SLC29A1: variants seen among roughly 807,000 people sequenced by gnomAD.
SLC29A1 encodes equilibrative nucleoside transporter 1.
Under a neutral mutation model 48.3 loss-of-function variants are expected in SLC29A1, and 22 were observed. That is an observed-to-expected ratio of 0.46 (90% CI 0.33 to 0.65). The LOEUF is 0.65. SLC29A1 is among the 30% of genes least tolerant of loss of function. The pLI is 0.03. For missense variants in SLC29A1, 491 were observed against 575.3 expected (o/e 0.85, Z 1.50); for synonymous variants, 228 against 231.0 (o/e 0.99, Z 0.12).
chr6:44,226,102 G>A lies in SLC29A1; in HGVS notation c.-51-1161G>A. The A allele has an allele frequency of 5.1e-6, 5 of 985,460 alleles. No individual in the cohort carries two copies. The South Asian group carries it at 2.3e-4, about 46-fold the overall frequency. The allele number at this position is 985,460 out of a possible 1,614,324, so 61.0% of individuals were successfully genotyped here. On this transcript the variant is annotated intron_variant, in intron 1 of 12. Coordinates refer to ENST00000371755, the MANE Select transcript of SLC29A1 (RefSeq NM_001372327.1). ...CCCACTGCCTGAGCCTGAACTAGGAGCACCTCCTAGGGACTGCCCAGGCTT... is the reference window on the plus strand; with the variant it reads ...CCCACTGCCTGAGCCTGAACTAGGAACACCTCCTAGGGACTGCCCAGGCTT...
intron 1 of SLC29A1, chr6:44,224,095 C>G (rs1441391312): frequency 6.0e-6 from 2 of 334,708 alleles, no homozygotes; most frequent in Admixed American, 1.3e-4. Context: ...CGGTCTTTTA[C>G]TGGCTAAACT....
upstream of SLC29A1, among the ~76,000 whole-genome samples, chr6:44,221,996 C>T (rs1776485011): frequency 6.6e-6 from 1 of 152,194 alleles, no homozygotes; most frequent in African/African-American, 2.4e-5. This position sits in a 1 kb window ranked among gnomAD's most constrained non-coding sequence, Gnocchi z 4.2. Context: ...CTTGCCATGC[C>T]TGGCAGATCT....
intron 2 of SLC29A1, 60 bp downstream of exon 2, chr6:44,227,402 G>A: frequency 1.4e-6 from 2 of 1,454,620 alleles, no homozygotes; most frequent in East Asian, 4.6e-5. Context: ...AGCTGGGTGT[G>A]GTGTCCTTTG....
At chr6:44,226,882 T>C in intron 1 of SLC29A1, 1 of 1,057,350 alleles carries the variant, frequency 9.5e-7, no homozygotes, top group African/African-American at 1.7e-5. Context: ...CCCTGACCCC[T>C]CTCGTCCTCT....
intron 12 of SLC29A1, 146 bp from the exon 13 acceptor site, chr6:44,233,271 G>A (rs977572615): frequency 1.3e-6 from 1 of 784,340 alleles, no homozygotes; most frequent in Non-Finnish European, 2.2e-6. Context: ...GGAGAAGCCA[G>A]GTTGGGGTTA....
At chr6:44,233,132 G>A (rs1779264138) in intron 12 of SLC29A1, 126 bp downstream of exon 12, 1 of 1,051,034 alleles carries the variant, frequency 9.5e-7, no homozygotes, top group Non-Finnish European at 1.4e-6. Flanking sequence ...AGATGGCTCA[G>A]GAGGGGCTCC....
In SLC29A1 at chr6:44,230,472, G is replaced by A. The variant is rs368183517; in HGVS notation, c.580G>A (p.Ala194Thr). The A allele has an allele frequency of 3.3e-5, 53 of 1,613,692 alleles. No individual in the cohort carries two copies. The highest frequency in any genetic ancestry group is 5.5e-5 in the South Asian group (5 of 91,090). Reference sequence around the variant, plus strand: ...CTTTGCCTCCGTGGCCATGATCTGCGCTATTGCCAGTAAGTCCGGCTATCT... The same window carrying A: ...CTTTGCCTCCGTGGCCATGATCTGCACTATTGCCAGTAAGTCCGGCTATCT... ...GFFASVAMIC[A>T]IASGSELSES... The change falls in exon 6 of 13, where the codon GCT becomes ACT. Residue 194 changes from alanine to threonine, a missense_variant. Ala to Thr is a moderately conservative substitution (Grantham distance 58, BLOSUM62 0). Coordinates refer to ENST00000371755, the MANE Select transcript of SLC29A1 (RefSeq NM_001372327.1).
Position 44,229,680 on chromosome 6 carries a change from C to T in SLC29A1, c.203C>T (p.Ala68Val), listed in dbSNP as rs1246855490. 1.2e-6 allele frequency: 2 copies of T among 1,614,070 alleles called. No individual in the cohort carries two copies. The highest frequency in any genetic ancestry group is 2.7e-5 in the African/African-American group (2 of 75,062). The change falls in exon 4 of 13, where the codon GCA (alanine) becomes GTA (valine). Residue 68 changes from alanine (A) to valine (V), a missense_variant. Physicochemically the swap from Ala to Val is moderately conservative, Grantham distance 64. Transcript: ENST00000371755. The surrounding 1 kb of genome is among the most constrained non-coding windows in gnomAD (Gnocchi z 5.1). The stretch of plus-strand genomic sequence containing the variant: ...GCCCAGGCGTCAGCCGCCCCTGCAG[C>T]ACCCTTGCCTGAGCGGAACTCTCTC... ...KDAQASAAPA[A>V]PLPERNSLSA...
At position 44,230,881 on chromosome 6, in the gene SLC29A1, T is replaced by C; in HGVS notation, c.758T>C (p.Ile253Thr). 6.2e-7 allele frequency: 1 copy of C among 1,613,528 alleles called. No individual in the cohort carries two copies. The highest frequency in any genetic ancestry group is 8.5e-7 in the Non-Finnish European group (1 of 1,179,494). Residue 253 changes from isoleucine to threonine, a missense_variant, in exon 8 of 13, where the codon ATT becomes ACT. Ile to Thr is a moderately conservative substitution (Grantham distance 89, BLOSUM62 -1). Transcript: ENST00000371755. The part of the protein sequence containing the change: ...PGEQETKLDL[I>T]SKGEEPRAGK... ...GAGCAGGAGACCAAGTTGGACCTCA[T>C]TAGCAAAGGTCCGAAGAGCCTGAGG...
chr6:44,230,702 GGGTC>G, intron 7 of SLC29A1, 37 bp downstream of exon 7: 4 of 1,485,436 alleles, frequency 2.7e-6, no homozygotes, highest in Non-Finnish European at 3.8e-6. Context: ...TGGGGTATAG[GGGTC>G]TGGGGTTCCA....
intron 1 of SLC29A1, chr6:44,227,039 G>T: frequency 7.5e-7 from 1 of 1,325,686 alleles, no homozygotes; most frequent in Non-Finnish European, 9.7e-7. Flanking sequence ...CCGGGAGCCA[G>T]GTAGAGTCTG....
rs1778560355 is a variant in SLC29A1, at chr6:44,230,412, G to A, written c.520G>A (p.Ala174Thr). Residue 174 changes from alanine to threonine, a missense_variant, in exon 6 of 13, where the codon GCC becomes ACC. Transcript: ENST00000371755. ...TGGCCTTCTGCCTGCCAGCTACACG[G>A]CCCCCATCATGAGTGGCCAGGGCCT... ...LAGLLPASYT[A>T]PIMSGQGLAG... is the part of the protein sequence containing the mutation. The A allele has an allele frequency of 1.2e-6, 2 of 1,613,914 alleles. No homozygotes were observed. The highest frequency in any genetic ancestry group is 2.7e-5 in the African/African-American group (2 of 74,934).
In SLC29A1 at chr6:44,230,641, C is replaced by T. The variant is rs750580084; in HGVS notation, c.663C>T (p.Ile221=). 3 of 1,524,252 alleles carry T rather than the reference C, an allele frequency of 2.0e-6. No homozygotes were observed. Among genetic ancestry groups the T allele is most frequent in the Non-Finnish European group, 2.7e-6 (3 of 1,128,146 alleles). The allele number at this position is 1,524,252 out of a possible 1,614,324, so 94.4% of individuals were successfully genotyped here. ...GTGCTGTTATCATTTTGACCATCAT[C>T]TGTTACCTGGGCCTGCCCCGCCTGG... ...TACAVIILTI[I]CYLGLPRLEF... Residue 221 remains isoleucine (I), a synonymous_variant, in exon 7 of 13, where the codon ATC becomes ATT. Transcript: ENST00000371755.
At chr6:44,224,594 T>G (rs1777077832) in intron 1 of SLC29A1, among the ~76,000 whole-genome samples, 1 of 152,128 alleles carries the variant, frequency 6.6e-6, no homozygotes, top group Non-Finnish European at 1.5e-5. Flanking sequence ...GGCAAGTGAC[T>G]CAACCCCTCT....
At chr6:44,230,102 C>T (rs749694328) in intron 5 of SLC29A1, 56 bp downstream of exon 5, 2 of 1,593,838 alleles carry the variant, frequency 1.3e-6, no homozygotes, top group Non-Finnish European at 1.7e-6. Flanking sequence ...TACCCCCACT[C>T]TTTTTTCAGA....
At chr6:44,226,144 TCTG>T (rs1245870273) in intron 1 of SLC29A1, 27 of 984,654 alleles carry the variant, frequency 2.7e-5, no homozygotes, top group Non-Finnish European at 3.3e-5. Context: ...CTCTGACCCT[TCTG>T]CTGGCCAGTC....
In SLC29A1 at chr6:44,233,513, C is replaced by G. The variant is rs1360127635; in HGVS notation, c.1356C>G (p.Phe452Leu). 2 of 1,613,710 alleles carry G rather than the reference C, an allele frequency of 1.2e-6. No individual in the cohort carries two copies. Among genetic ancestry groups the G allele is most frequent in the Admixed American group, 1.7e-5 (1 of 60,006 alleles). The change falls in exon 13 of 13, where the codon TTC (phenylalanine) becomes TTG (leucine). Residue 452 changes from phenylalanine (F) to leucine (L), a missense_variant. Transcript: ENST00000371755. Reference sequence around the variant, plus strand: ...TGGGGGCTGTTTTCTCCTTCCTGTTCCGGGCAATTGTGTGACAAAGGATGG... The same window carrying G: ...TGGGGGCTGTTTTCTCCTTCCTGTTGCGGGCAATTGTGTGACAAAGGATGG... ...LALGAVFSFLFRAIV is the reference protein window; with the variant it reads ...LALGAVFSFLLRAIV
Position 44,227,284 on chromosome 6 carries a change from C to T in SLC29A1, c.-30C>T. 6.2e-7 allele frequency: 1 copy of T among 1,614,018 alleles called. No homozygotes were observed. The highest frequency in any genetic ancestry group is 1.1e-5 in the South Asian group (1 of 91,036). On this transcript the variant is annotated 5_prime_UTR_variant, in exon 2 of 13. Transcript: ENST00000371755. ...GCAGGCCCCTGAGGGAGGGAGCTGT[C>T]AGCCAGGGAAAACCGAGAACACCAT...
At chr6:44,224,750 G>A (rs1484547614) in intron 1 of SLC29A1, among the ~76,000 whole-genome samples, 3 of 152,164 alleles carry the variant, frequency 2.0e-5, no homozygotes, top group African/African-American at 7.2e-5. Context: ...GAGTCTGGAG[G>A]CAGGGAGGTA....
Sources: gnomAD v4.1 joint callset for allele counts (sites outside exome capture counted in the v4.1 genomes callset) on GRCh38, gnomAD v4.1.1 for gene constraint, Gnocchi (gnomAD v3.1) non-coding constraint, MANE v1.5 for transcripts, NCBI Gene and HGNC (gene_info 2026-07-23, HGNC 2026-07-21) for gene names.